The following TEX9 variants were observed in gnomAD, a reference collection of about 807,000 sequenced individuals.
TEX9 encodes testis expressed 9.
TEX9 carries 74 observed loss-of-function variants against 59.6 expected under a neutral mutation model. That is an observed-to-expected ratio of 1.24 (90% CI 1.03 to 1.51). The LOEUF is 1.51. Among genes scored for constraint, TEX9 ranks in the 40% most tolerant of loss-of-function variants. TEX9 has a pLI of 0.00. For missense variants in TEX9, 522 were observed against 447.8 expected (o/e 1.17, Z -1.49); for synonymous variants, 186 against 152.2 (o/e 1.22, Z -1.64).
At chr15:56,245,359 G>A (rs2043824796) in intron 1 of TEX9, among the ~76,000 whole-genome samples, 1 of 152,116 alleles carries the variant, frequency 6.6e-6, no homozygotes, top group Non-Finnish European at 1.5e-5. Context: ...CCGCCCCCCC[G>A]CCCCCGGGGC....
At chr15:56,323,049 T>G (rs1489244906) in intron 1 of TEX9, 2 of 170,524 alleles carry the variant, frequency 1.2e-5, no homozygotes, top group African/African-American at 4.8e-5. Context: ...GAGACAGCAC[T>G]GGGGCAAGTG....
chr15:56,271,633 T>C (rs536377159), intron 1 of TEX9, among the ~76,000 whole-genome samples: 1 of 152,264 alleles, frequency 6.6e-6, no homozygotes, highest in South Asian at 2.1e-4. Flanking sequence ...TGTTCCTATA[T>C]TGAAGTCGTA....
At chr15:56,418,021 A>G (rs752852260) in intron 10 of TEX9, among the ~76,000 whole-genome samples, 2 of 151,384 alleles carry the variant, frequency 1.3e-5, no homozygotes, top group Non-Finnish European at 3.0e-5. Context: ...TCTGTTTTCT[A>G]TTTCCTGGTA....
At chr15:56,319,886 A>G (rs1187330808) in intron 1 of TEX9, among the ~76,000 whole-genome samples, 1 of 152,218 alleles carries the variant, frequency 6.6e-6, no homozygotes. Context: ...AATGCAAAAC[A>G]TAGGTTTGTT....
At position 56,326,291 on chromosome 15, in the gene TEX9, C is replaced by T. The variant is rs562100061; in HGVS notation, c.-106-47150C>T. On this transcript the variant is annotated intron_variant, in intron 1 of 5. Coordinates refer to the TEX9 transcript ENST00000560827. Reference sequence around the variant, plus strand: ...CGTGAATGCATTCCATTTTTTCTTGCGTGTATCAGCCTTTTGATATTTGAA... The same window carrying T: ...CGTGAATGCATTCCATTTTTTCTTGTGTGTATCAGCCTTTTGATATTTGAA... Among the ~76,000 whole-genome samples, 5 of 152,064 alleles carry T rather than the reference C, an allele frequency of 3.3e-5. No individual in the cohort carries two copies. In the East Asian group the frequency reaches 9.6e-4, roughly 29 times the overall value.
the TEX9 span, among the ~76,000 whole-genome samples, chr15:56,455,848 C>G: frequency 2.0e-5 from 3 of 152,076 alleles, no homozygotes; most frequent in South Asian, 4.1e-4. Context: ...ACTGAAGGAA[C>G]AAGGGATAGC....
At chr15:56,298,130 ATTTAT>A (rs1424490708) in intron 1 of TEX9, among the ~76,000 whole-genome samples, 1 of 152,186 alleles carries the variant, frequency 6.6e-6, no homozygotes, top group African/African-American at 2.4e-5. Flanking sequence ...GGCTATTGTA[ATTTAT>A]TTTATTTATA....
At chr15:56,260,060 C>T (rs1440102516) in intron 1 of TEX9, among the ~76,000 whole-genome samples, 1 of 151,988 alleles carries the variant, frequency 6.6e-6, no homozygotes, top group African/African-American at 2.4e-5. Flanking sequence ...TTTTTGCAAA[C>T]ACATACAAAT....
chr15:56,365,600 C>G, exon 2 of TEX9: 3 of 1,614,194 alleles, frequency 1.9e-6, no homozygotes, highest in Non-Finnish European at 2.5e-6. Flanking sequence ...TCCAGGGACT[C>G]CGTTCCCGCC....
rs528030184 is a variant in TEX9, at chr15:56,255,458, A to G, written c.-107+11180A>G. Among the ~76,000 whole-genome samples the G allele has an allele frequency of 1.2e-4, 18 of 152,226 alleles. 1 individual carries two copies. The South Asian group carries it at 2.9e-3, about 25-fold the overall frequency. On this transcript the variant is annotated intron_variant, in intron 1 of 5. Coordinates refer to the TEX9 transcript ENST00000560827. ...CATCAGTGATTCCAGTACATGACACATGGACAGAATTTCTTTAATAAAAAA... is the reference window on the plus strand; with the variant it reads ...CATCAGTGATTCCAGTACATGACACGTGGACAGAATTTCTTTAATAAAAAA...
At chr15:56,327,750 TG>T (rs1296985161) in intron 1 of TEX9, among the ~76,000 whole-genome samples, 7 of 152,110 alleles carry the variant, frequency 4.6e-5, no homozygotes, top group Non-Finnish European at 8.8e-5. Context: ...CTGCCAACAC[TG>T]GGGAGAACTC....
chr15:56,394,179 T>C, exon 8 of TEX9: 1 of 1,607,954 alleles, frequency 6.2e-7, no homozygotes, highest in African/African-American at 1.3e-5. Flanking sequence ...ACAGATCAGA[T>C]TTCTAAAGGC....
intron 6 of TEX9, among the ~76,000 whole-genome samples, chr15:56,390,221 T>G (rs2048143350): frequency 6.6e-6 from 1 of 151,994 alleles, no homozygotes; most frequent in Non-Finnish European, 1.5e-5. Flanking sequence ...CTTTTCAGAC[T>G]TCACATTTTT....
At chr15:56,401,319 A>AAC (rs1322446220) in intron 9 of TEX9, among the ~76,000 whole-genome samples, 2 of 149,986 alleles carry the variant, frequency 1.3e-5, no homozygotes, top group Non-Finnish European at 1.5e-5. Context: ...AAAAAAAAAA[A>AAC]AAAAAAAAAA....
At chr15:56,336,079 G>T (rs2046250847) in intron 1 of TEX9, among the ~76,000 whole-genome samples, 1 of 152,162 alleles carries the variant, frequency 6.6e-6, no homozygotes, top group South Asian at 2.1e-4. Context: ...ATGTGCAGTT[G>T]CATCGCTGAA....
At chr15:56,460,009 A>AAAAAAAAAAT in the TEX9 span, among the ~76,000 whole-genome samples, 217 of 26,350 alleles carry the variant, frequency 8.2e-3, 36 homozygotes, top group South Asian at 0.021. Context: ...AAAAAAAAAA[A>AAAAAAAAAAT]ATACATATAT....
intron 1 of TEX9, among the ~76,000 whole-genome samples, chr15:56,355,155 C>T (rs552220694): frequency 8.0e-4 from 121 of 152,112 alleles, no homozygotes; most frequent in Non-Finnish European, 1.1e-3. Context: ...ATCTAGTTTT[C>T]GTCAGTATAG....
the TEX9 span, among the ~76,000 whole-genome samples, chr15:56,455,526 A>C: frequency 6.6e-6 from 1 of 152,182 alleles, no homozygotes; most frequent in Non-Finnish European, 1.5e-5. Context: ...GTCCTGCTCA[A>C]TTAAGATAAA....
At chr15:56,349,952 G>A (rs1463365278) in intron 1 of TEX9, among the ~76,000 whole-genome samples, 1 of 151,928 alleles carries the variant, frequency 6.6e-6, no homozygotes, top group Non-Finnish European at 1.5e-5. Context: ...TCAAGAATCG[G>A]TTAAGACTTT....
Sources: allele counts gnomAD v4.1 joint callset (sites outside exome capture counted in the v4.1 genomes callset), GRCh38; gene constraint gnomAD v4.1.1; transcripts MANE v1.5; gene names NCBI Gene and HGNC (gene_info 2026-07-23, HGNC 2026-07-21).